The following RNF115 variants were observed in gnomAD, a reference collection of about 807,000 sequenced individuals.
The protein encoded by RNF115 is ring finger protein 115, also known as E3 ubiquitin-protein ligase RNF115.
A neutral mutation model predicts 39.2 loss-of-function variants in RNF115; 31 were observed. That is an observed-to-expected ratio of 0.79 (90% CI 0.59 to 1.07). The LOEUF is 1.07. Ranked by LOEUF, RNF115 falls within the 50% of genes least tolerant of loss-of-function variation. RNF115 has a pLI of 0.00. For missense variants in RNF115, 384 were observed against 381.7 expected, an observed-to-expected ratio of 1.01 and a Z score of -0.05; for synonymous variants, 124 against 131.0, an observed-to-expected ratio of 0.95 and a Z score of 0.37.
intron 4 of RNF115, among the ~76,000 whole-genome samples, chr1:145,767,508 G>T (rs1320615899): frequency 6.6e-6 from 1 of 151,478 alleles, no homozygotes; most frequent in South Asian, 2.1e-4. Context: ...CAGGCAGAGA[G>T]GCTCCTCACA....
At chr1:145,811,908 A>AAAAAAAT (rs1553722706) in intron 1 of RNF115, among the ~76,000 whole-genome samples, 5 of 55,152 alleles carry the variant, frequency 9.1e-5, no homozygotes, top group African/African-American at 2.8e-4. Context: ...AAAAAAAAAA[A>AAAAAAAT]ATATATATAT....
chr1:145,767,645 G>C (rs1444031221), intron 4 of RNF115, among the ~76,000 whole-genome samples: 2 of 152,184 alleles, frequency 1.3e-5, no homozygotes, highest in Non-Finnish European at 2.9e-5. Flanking sequence ...AGGTTGTAGC[G>C]AGCCGAGATC....
At position 145,746,752 on chromosome 1, in the gene RNF115, T is replaced by C; in HGVS notation, c.*114A>G. 1 of 964,496 alleles carries C rather than the reference T, an allele frequency of 1.0e-6. No homozygotes were observed. The highest frequency in any genetic ancestry group is 1.9e-5 in the South Asian group (1 of 53,282). 59.7% of individuals were successfully genotyped at this position (964,496 alleles called of 1,614,324 possible). A position where few individuals can be genotyped will look rare whatever the true frequency, so the allele number is the denominator to read the frequency against. ...AAAAACATTCATTGCATTTATATTA[T>C]GTGTTGAGTTTCTTACATATTCCTA... On this transcript the variant is annotated 3_prime_UTR_variant, in exon 9 of 9. Coordinates refer to ENST00000582693, the MANE Select transcript of RNF115 (RefSeq NM_014455.4).
chr1:145,790,275 G>A (rs1553718777), intron 1 of RNF115, among the ~76,000 whole-genome samples: 1 of 151,800 alleles, frequency 6.6e-6, no homozygotes, highest in Non-Finnish European at 1.5e-5. Context: ...CGAGTAGCTG[G>A]GATTACAGGC....
intron 1 of RNF115, among the ~76,000 whole-genome samples, chr1:145,809,049 T>G (rs1035407984): frequency 2.6e-5 from 4 of 152,192 alleles, no homozygotes; most frequent in Non-Finnish European, 5.9e-5. Context: ...AGCTCTCATA[T>G]GCAGAAATAA....
intron 1 of RNF115, among the ~76,000 whole-genome samples, chr1:145,797,878 T>G (rs1649053314): frequency 1.3e-5 from 2 of 152,222 alleles, no homozygotes; most frequent in Admixed American, 6.5e-5. Flanking sequence ...TGGTTTTGAT[T>G]TGGATCTCTC....
chr1:145,772,893 C>T (rs779575411), intron 3 of RNF115: 5 of 152,128 alleles, frequency 3.3e-5, no homozygotes, highest in Non-Finnish European at 5.9e-5. Context: ...CATTTTTCTT[C>T]AGTCTTTTAA....
Position 145,823,883 on chromosome 1 carries a change from C to A in RNF115, c.-10G>T. 6.6e-7 allele frequency: 1 copy of A among 1,519,784 alleles called. No individual in the cohort carries two copies. The allele number at this position is 1,519,784 out of a possible 1,614,324, so 94.1% of individuals were successfully genotyped here. ...CCGAAGCCTCCGCCATTTTTGCCCT[C>A]CGCCGCGGCCGTCCGAGAGGGCAGC... On this transcript the variant is annotated 5_prime_UTR_variant, in exon 1 of 9. Transcript: ENST00000582693.
At chr1:145,770,728 C>T (rs1647600568) in intron 4 of RNF115, among the ~76,000 whole-genome samples, 1 of 152,110 alleles carries the variant, frequency 6.6e-6, no homozygotes, top group Admixed American at 6.5e-5. Flanking sequence ...ACAAATTAAA[C>T]AACATAAAGC....
chr1:145,754,337 A>C (rs973994706), intron 4 of RNF115, among the ~76,000 whole-genome samples: 2 of 132,096 alleles, frequency 1.5e-5, no homozygotes, highest in Non-Finnish European at 3.1e-5. Flanking sequence ...TTTCAGATGT[A>C]CAAAACACTG....
rs1449421072 is a variant in RNF115, at chr1:145,742,505, A to C, written c.*4361T>G. The C allele has an allele frequency of 6.6e-6, 1 of 152,202 alleles. No homozygotes were observed. Among genetic ancestry groups the C allele is most frequent in the Non-Finnish European group, 1.5e-5 (1 of 68,060 alleles). 9.4% of individuals were successfully genotyped at this position (152,202 alleles called of 1,614,324 possible). On this transcript the variant is annotated 3_prime_UTR_variant, in exon 9 of 9. Transcript: ENST00000582693. The stretch of plus-strand genomic sequence containing the variant: ...AATAACAGGGTACCAGCCCAAGCCA[A>C]CAGTGCCCCATACCAGAGAACTCAG...
chr1:145,783,813 T>C (rs1448241293), intron 3 of RNF115, among the ~76,000 whole-genome samples: 1 of 151,886 alleles, frequency 6.6e-6, no homozygotes, highest in Non-Finnish European at 1.5e-5. Flanking sequence ...TTAAGAACAG[T>C]TACAATGGTT....
intron 1 of RNF115, among the ~76,000 whole-genome samples, chr1:145,789,586 C>T (rs1648562957): frequency 6.7e-6 from 1 of 148,616 alleles, no homozygotes; most frequent in Non-Finnish European, 1.5e-5. Flanking sequence ...TTAGGAGAGA[C>T]GAGGTTTTTC....
chr1:145,781,575 T>C (rs1365475296), intron 3 of RNF115, among the ~76,000 whole-genome samples: 4 of 152,204 alleles, frequency 2.6e-5, no homozygotes, highest in African/African-American at 9.6e-5. Flanking sequence ...ACTCACTAGA[T>C]GGTAGGCACA....
chr1:145,792,857 C>T (rs1233094185), intron 1 of RNF115, among the ~76,000 whole-genome samples: 1 of 152,036 alleles, frequency 6.6e-6, no homozygotes, highest in Non-Finnish European at 1.5e-5. Flanking sequence ...GAAACTCAAC[C>T]TTTTTTCTCC....
rs368383533 is a variant in RNF115, at chr1:145,808,923, A to C, written c.102+14849T>G. On this transcript the variant is annotated intron_variant, in intron 1 of 8. Coordinates refer to ENST00000582693, the MANE Select transcript of RNF115 (RefSeq NM_014455.4). ...AAATTAGAAAAGATTCTCTAGAAGA[A>C]GCTTTCATTCAACAAATTCAGCTAT... Among the ~76,000 whole-genome samples the C allele has an allele frequency of 5.3e-5, 8 of 152,332 alleles. No homozygotes were observed. In the East Asian group the frequency reaches 1.3e-3, roughly 26 times the overall value.
intron 2 of RNF115, among the ~76,000 whole-genome samples, chr1:145,786,473 G>A (rs1648385030): frequency 1.3e-5 from 2 of 152,118 alleles, no homozygotes; most frequent in African/African-American, 2.4e-5. Flanking sequence ...CAGAGTCTTT[G>A]TATTTGAGTA....
intron 4 of RNF115, among the ~76,000 whole-genome samples, chr1:145,755,624 G>A (rs1158843286): frequency 2.0e-5 from 3 of 152,088 alleles, no homozygotes; most frequent in Non-Finnish European, 2.9e-5. Flanking sequence ...TCTGGATACC[G>A]GTGCCGCCAC....
intron 1 of RNF115, among the ~76,000 whole-genome samples, chr1:145,806,009 G>A (rs1229670832): frequency 6.6e-6 from 1 of 152,152 alleles, no homozygotes; most frequent in Non-Finnish European, 1.5e-5. Context: ...AAAGGCATTT[G>A]CTCTAATCCA....
Sources: gnomAD v4.1 joint callset for allele counts (sites outside exome capture counted in the v4.1 genomes callset) on GRCh38, gnomAD v4.1.1 for gene constraint, MANE v1.5 for transcripts, NCBI Gene and HGNC (gene_info 2026-07-23, HGNC 2026-07-21) for gene names.